LHCGR: variants seen among roughly 807,000 people sequenced by gnomAD.
LHCGR encodes the protein luteinizing hormone/choriogonadotropin receptor.
Under a neutral mutation model 60.7 loss-of-function variants are expected in LHCGR, and 55 were observed. The ratio of observed to expected loss-of-function variants is 0.91; its 90% confidence interval spans 0.73 to 1.13. The LOEUF is 1.13. Ranked by LOEUF, LHCGR falls within the 50% of genes most tolerant of loss-of-function variation. The probability of loss-of-function intolerance (pLI) is 0.00; values close to 1 mark genes in which losing one functional copy is unlikely to be tolerated. For synonymous variants in LHCGR, 337 were observed against 316.5 expected (o/e 1.06, Z -0.69); for missense variants, 862 against 836.0 (o/e 1.03, Z -0.38).
chr2:48,748,286 G>T (rs1456714435), intron 1 of LHCGR, among the ~76,000 whole-genome samples: 1 of 152,124 alleles, frequency 6.6e-6, no homozygotes, highest in Non-Finnish European at 1.5e-5. Context: ...CGTATTTCCT[G>T]AGTGGCCAAC....
chr2:48,731,858 C>T (rs1669007782), intron 1 of LHCGR, among the ~76,000 whole-genome samples: 1 of 152,164 alleles, frequency 6.6e-6, no homozygotes, highest in South Asian at 2.1e-4. Context: ...TCATTAAGAA[C>T]ATGCTCCCAT....
chr2:48,702,530 G>T (rs1667463860), intron 8 of LHCGR, among the ~76,000 whole-genome samples: 1 of 151,950 alleles, frequency 6.6e-6, no homozygotes, highest in Admixed American at 6.6e-5. Context: ...TTCTGTCCTT[G>T]TGATAGTTTG....
intron 7 of LHCGR, among the ~76,000 whole-genome samples, chr2:48,712,506 G>C (rs138386649): frequency 1.3e-5 from 2 of 152,084 alleles, no homozygotes; most frequent in East Asian, 3.9e-4. Flanking sequence ...TTAACTTAAG[G>C]GTTTTTGTTA....
intron 7 of LHCGR, among the ~76,000 whole-genome samples, chr2:48,711,397 C>T (rs1034348903): frequency 4.6e-5 from 7 of 152,274 alleles, no homozygotes; most frequent in East Asian, 3.9e-4. Context: ...GTACCTAACA[C>T]GGTGCTTAGT....
At chr2:48,725,894 A>G (rs756113549) in intron 3 of LHCGR, 144 bp from the exon 4 acceptor site, 6 of 694,678 alleles carry the variant, frequency 8.6e-6, no homozygotes, top group Non-Finnish European at 1.6e-5. Flanking sequence ...GAGGACCCCT[A>G]GCGACTCTGG....
chr2:48,692,762 C>G (rs1666917088), intron 10 of LHCGR, among the ~76,000 whole-genome samples: 1 of 152,102 alleles, frequency 6.6e-6, no homozygotes. Flanking sequence ...GTGGCTGGCT[C>G]TAGAATTTCT....
At position 48,709,057 on chromosome 2, in the gene LHCGR, T is replaced by A. The variant is rs933216247; in HGVS notation, c.606-35A>T. The A allele has an allele frequency of 2.0e-6, 3 of 1,534,538 alleles. No homozygotes were observed. The African/African-American group carries it at 4.1e-5, about 21-fold the overall frequency. On this transcript the variant is annotated intron_variant, in intron 7 of 10. Transcript: ENST00000294954. ...AGGATATTGCCCTTAGTGGAGTTTG[T>A]ACCTCATGTGTAAGCATTCGTAGCT...
intron 1 of LHCGR, among the ~76,000 whole-genome samples, chr2:48,740,836 A>G (rs1669416081): frequency 6.6e-6 from 1 of 152,260 alleles, no homozygotes. Context: ...AACAAAGCTG[A>G]CAGAGAATGA....
At chr2:48,714,857 A>C (rs1369214720) in intron 6 of LHCGR, among the ~76,000 whole-genome samples, 1 of 152,172 alleles carries the variant, frequency 6.6e-6, no homozygotes, top group African/African-American at 2.4e-5. Context: ...GTCTAGAGGG[A>C]ATCAAGCAGC....
intron 1 of LHCGR, among the ~76,000 whole-genome samples, chr2:48,734,608 A>AT (rs1669138692): frequency 6.6e-6 from 1 of 151,364 alleles, no homozygotes; most frequent in African/African-American, 2.4e-5. Flanking sequence ...TTTCCTTCAT[A>AT]TTTTTTTGGA....
At chr2:48,726,931 C>T (rs1259677823) in intron 3 of LHCGR, among the ~76,000 whole-genome samples, 1 of 152,124 alleles carries the variant, frequency 6.6e-6, no homozygotes, top group African/African-American at 2.4e-5. Context: ...TGGATGTGAC[C>T]CAGTTTTTCT....
At chr2:48,742,548 C>T (rs1426867158) in intron 1 of LHCGR, among the ~76,000 whole-genome samples, 1 of 151,908 alleles carries the variant, frequency 6.6e-6, no homozygotes, top group Non-Finnish European at 1.5e-5. Context: ...TCACTCAAAA[C>T]CGCTCAACTA....
In LHCGR at chr2:48,731,248, C is replaced by G; in HGVS notation, c.212G>C (p.Gly71Ala). The change falls in exon 2 of 11, where the codon GGA becomes GCA. Residue 71 changes from glycine to alanine, a missense_variant. Gly to Ala is a moderately conservative substitution (Grantham distance 60). Transcript: ENST00000294954. ...TTACATTTTTATGACCTCATTAAGT[C>G]CTCTGAAAGCTTGAGATGGGATCAC... ...VKVIPSQAFR[G>A]LNEVIKIEIS... 6.2e-7 allele frequency: 1 copy of G among 1,610,610 alleles called. No individual in the cohort carries two copies. Among genetic ancestry groups the G allele is most frequent in the African/African-American group, 1.3e-5 (1 of 74,910 alleles).
At chr2:48,706,182 T>G (rs532080681) in intron 8 of LHCGR, among the ~76,000 whole-genome samples, 5 of 152,306 alleles carry the variant, frequency 3.3e-5, no homozygotes, top group African/African-American at 1.2e-4. Context: ...TGAAATTCTG[T>G]GTTGAAAATT....
chr2:48,710,608 T>C (rs1025997790), intron 7 of LHCGR, among the ~76,000 whole-genome samples: 11 of 152,338 alleles, frequency 7.2e-5, no homozygotes, highest in African/African-American at 2.6e-4. Flanking sequence ...ACAGGCAGGA[T>C]GACCTTTTGA....
At chr2:48,718,527 A>G (rs1439927638) in intron 6 of LHCGR, among the ~76,000 whole-genome samples, 4 of 152,204 alleles carry the variant, frequency 2.6e-5, no homozygotes, top group Non-Finnish European at 5.9e-5. Flanking sequence ...TCAGGGTCTC[A>G]AAAAAGTGGA....
intron 3 of LHCGR, among the ~76,000 whole-genome samples, chr2:48,726,148 C>T (rs541051090): frequency 2.6e-5 from 4 of 152,228 alleles, no homozygotes; most frequent in African/African-American, 9.6e-5. Flanking sequence ...AAATTACCTA[C>T]TCTCCCTTGT....
At chr2:48,730,621 G>A (rs1668946250) in intron 2 of LHCGR, among the ~76,000 whole-genome samples, 1 of 152,126 alleles carries the variant, frequency 6.6e-6, no homozygotes, top group African/African-American at 2.4e-5. Context: ...AAAGATGCTG[G>A]AATACTGGGC....
intron 1 of LHCGR, among the ~76,000 whole-genome samples, chr2:48,734,436 G>C (rs1196432122): frequency 6.6e-6 from 1 of 152,196 alleles, no homozygotes; most frequent in Non-Finnish European, 1.5e-5. Context: ...GAATGGACTA[G>C]TGATAATGTT....
Sources: allele counts gnomAD v4.1 joint callset (sites outside exome capture counted in the v4.1 genomes callset), GRCh38; gene constraint gnomAD v4.1.1; transcripts MANE v1.5; gene names NCBI Gene and HGNC (gene_info 2026-07-23, HGNC 2026-07-21).